Variants in ZNF451 observed in about 807,000 individuals in gnomAD.
The protein encoded by ZNF451 is E3 SUMO-protein ligase ZNF451.
In ZNF451, 80 loss-of-function variants were observed where a neutral mutation model predicts 107.1. The ratio of observed to expected loss-of-function variants is 0.75; its 90% CI spans 0.62 to 0.90. The LOEUF (loss-of-function observed/expected upper bound fraction) is 0.90, where lower values mean the gene tolerates loss of function less well. Among genes scored for constraint, ZNF451 ranks in the 40% least tolerant of loss-of-function variants. ZNF451 has a pLI of 0.00. For missense variants in ZNF451, 1,107 were observed against 1,236.2 expected, an observed-to-expected ratio of 0.90 and a Z score of 1.57; for synonymous variants, 362 against 406.5, an observed-to-expected ratio of 0.89 and a Z score of 1.32.
chr6:57,128,851 G>A lies in ZNF451; in HGVS notation c.424+11G>A. ...GGCTAAAAATGCCAGGTATTCTTTA[G>A]AAATTACACTAAGGTTACCTAGCTT... On this transcript the variant is annotated intron_variant, in intron 5 of 14. Transcript: ENST00000370706. The A allele has an allele frequency of 6.3e-7, 1 of 1,592,416 alleles. No homozygotes were observed. Among genetic ancestry groups the A allele is most frequent in the East Asian group, 2.2e-5 (1 of 44,566 alleles).
intron 7 of ZNF451, among the ~76,000 whole-genome samples, chr6:57,137,783 C>T: frequency 6.6e-6 from 1 of 152,174 alleles, no homozygotes; most frequent in Non-Finnish European, 1.5e-5. Context: ...CCTAGGCAAC[C>T]ACTAAGCTAC....
At chr6:57,108,505 A>C (rs544486713) in intron 3 of ZNF451, 2 of 985,244 alleles carry the variant, frequency 2.0e-6, no homozygotes, top group South Asian at 9.4e-5. Context: ...GTCACTAAAC[A>C]CAGTTTTCAA....
At chr6:57,131,846 A>G (rs1831192100) in intron 5 of ZNF451, among the ~76,000 whole-genome samples, 3 of 152,208 alleles carry the variant, frequency 2.0e-5, no homozygotes, top group Admixed American at 2.0e-4. Context: ...AACAGAGAGT[A>G]ATCAAACTGT....
chr6:57,149,484 A>G (rs1196324666), intron 10 of ZNF451, among the ~76,000 whole-genome samples: 2 of 152,182 alleles, frequency 1.3e-5, no homozygotes, highest in Non-Finnish European at 2.9e-5. Flanking sequence ...GCCTTAAGCA[A>G]TCCTCCTGTT....
chr6:57,163,739 C>T (rs1424708324), intron 14 of ZNF451, among the ~76,000 whole-genome samples: 7 of 152,052 alleles, frequency 4.6e-5, no homozygotes, highest in Admixed American at 3.9e-4. Context: ...CGTGAGCCAC[C>T]GCGCCCGGCC....
chr6:57,113,688 C>T (rs1176895705), intron 3 of ZNF451, among the ~76,000 whole-genome samples: 1 of 146,866 alleles, frequency 6.8e-6, no homozygotes, highest in Admixed American at 6.9e-5. Flanking sequence ...GTGGTGCAAT[C>T]TCGGCTCACT....
chr6:57,103,950 AAATTACTTTATC>A (rs1829724823), intron 3 of ZNF451: 6 of 985,366 alleles, frequency 6.1e-6, no homozygotes, highest in Non-Finnish European at 7.2e-6. Context: ...TACTTGGAAG[AAATTACTTTATC>A]AGTTAATTTC....
Position 57,133,146 on chromosome 6 carries a change from A to G in ZNF451, c.529A>G (p.Asn177Asp), listed in dbSNP as rs1831263315. The G allele has an allele frequency of 3.7e-6, 6 of 1,614,142 alleles. No homozygotes were observed. The highest frequency in any genetic ancestry group is 1.3e-5 in the African/African-American group (1 of 75,056). ...AATTTTATGTCCTATAATGCACTGTAACAAGGAGTTTGACAATGGGCACCT... is the reference window on the plus strand; with the variant it reads ...AATTTTATGTCCTATAATGCACTGTGACAAGGAGTTTGACAATGGGCACCT... Reference protein sequence around the residue: ...KPILCPIMHCNKEFDNGHLLL... With the variant: ...KPILCPIMHCDKEFDNGHLLL... Residue 177 changes from asparagine (N) to aspartate (D), a missense_variant, in exon 6 of 15, where the codon AAC becomes GAC. Physicochemically the swap from Asn to Asp is conservative, Grantham distance 23 (BLOSUM62 1). Coordinates refer to ENST00000370706, the MANE Select transcript of ZNF451 (RefSeq NM_001031623.3).
chr6:57,129,697 G>C (rs968316249), intron 5 of ZNF451, among the ~76,000 whole-genome samples: 10 of 152,010 alleles, frequency 6.6e-5, no homozygotes, highest in Non-Finnish European at 1.5e-4. Context: ...CATTCCATTT[G>C]ATACCTGACA....
chr6:57,106,191 T>C (rs1829845456), intron 3 of ZNF451: 1 of 985,284 alleles, frequency 1.0e-6, no homozygotes, highest in African/African-American at 1.7e-5. Context: ...CTGATGTGGA[T>C]GGACATGACA....
intron 9 of ZNF451, among the ~76,000 whole-genome samples, chr6:57,143,094 C>G (rs887300225): frequency 6.6e-6 from 1 of 151,984 alleles, no homozygotes; most frequent in African/African-American, 2.4e-5. Context: ...AGATTCGTAT[C>G]TAGAATACAG....
intron 3 of ZNF451, chr6:57,101,555 A>G: frequency 1.3e-6 from 2 of 1,550,942 alleles, no homozygotes; most frequent in African/African-American, 1.4e-5. Context: ...AGGTTTTACC[A>G]CGCTGCCTCC....
intron 3 of ZNF451, among the ~76,000 whole-genome samples, chr6:57,113,544 TGAA>T (rs1356015928): frequency 6.6e-6 from 1 of 151,958 alleles, no homozygotes; most frequent in African/African-American, 2.4e-5. Context: ...GAGTGATGTA[TGAA>T]GAATAAAGTG....
intron 7 of ZNF451, among the ~76,000 whole-genome samples, chr6:57,138,741 A>ATATGTGTG (rs1365084616): frequency 1.9e-4 from 9 of 46,594 alleles, no homozygotes; most frequent in South Asian, 1.1e-3. Context: ...ATATATATAT[A>ATATGTGTG]TGTGTGTGTG....
chr6:57,140,687 GA>G (rs1333794170), intron 7 of ZNF451, among the ~76,000 whole-genome samples: 1 of 151,972 alleles, frequency 6.6e-6, no homozygotes, highest in East Asian at 1.9e-4. Flanking sequence ...GAAAAAAACT[GA>G]AAATAAATGT....
At chr6:57,135,219 C>A (rs1324991879) in intron 7 of ZNF451, among the ~76,000 whole-genome samples, 1 of 151,876 alleles carries the variant, frequency 6.6e-6, no homozygotes, top group Non-Finnish European at 1.5e-5. Flanking sequence ...AATGTTGGCG[C>A]CATATAGTAA....
chr6:57,142,186 C>T (rs1831802962), intron 9 of ZNF451, 91 bp downstream of exon 9: 2 of 1,403,488 alleles, frequency 1.4e-6, no homozygotes, highest in South Asian at 1.6e-5. Context: ...ATGTTTCTCT[C>T]CTTTTAAAAT....
At chr6:57,148,753 C>T (rs763564725) in intron 10 of ZNF451, 60 bp downstream of exon 10, 21 of 1,450,544 alleles carry the variant, frequency 1.4e-5, no homozygotes, top group Middle Eastern at 2.5e-4. Flanking sequence ...ACAATGTACC[C>T]ACCTCGATTC....
At position 57,153,881 on chromosome 6, in the gene ZNF451, A is replaced by G. The variant is rs1326014951; in HGVS notation, c.2904A>G (p.Gln968=). Residue 968 remains glutamine (Q), a synonymous_variant, in exon 13 of 15, where the codon CAA becomes CAG. Transcript: ENST00000370706. ...CTTAGGCTGGCCGTCTAGATGAACA[A>G]CTACCCAAGCAAATTCCTTTCACCA... ...ICMHAGRLDE[Q]LPKQIPFTIL... is the part of the protein sequence containing the mutation. 2.5e-6 allele frequency: 4 copies of G among 1,614,042 alleles called. No individual in the cohort carries two copies. Among genetic ancestry groups the G allele is most frequent in the Non-Finnish European group, 3.4e-6 (4 of 1,180,040 alleles).
Sources: allele counts gnomAD v4.1 joint callset (sites outside exome capture counted in the v4.1 genomes callset), GRCh38; gene constraint gnomAD v4.1.1; transcripts MANE v1.5; gene names NCBI Gene and HGNC (gene_info 2026-07-23, HGNC 2026-07-21).